Variants in AP1S3 observed in about 807,000 individuals in gnomAD.
The protein encoded by AP1S3 is adaptor related protein complex 1 subunit sigma 3.
AP1S3 carries 10 observed loss-of-function variants against 20.9 expected under a neutral mutation model. The observed-to-expected ratio is 0.48, with a 90% CI of 0.29 to 0.81. The LOEUF is 0.81. AP1S3 is among the 30% of genes least tolerant of loss of function. AP1S3 has a pLI of 0.08. For missense variants in AP1S3, 154 were observed against 183.8 expected (o/e 0.84, Z 0.94); for synonymous variants, 41 against 61.5 (o/e 0.67, Z 1.56).
chr2:223,837,219 A>AGCCGCGGCGCCGCGGC (rs903571860), intron 1 of AP1S3, among the ~76,000 whole-genome samples: 3 of 150,702 alleles, frequency 2.0e-5, no homozygotes, highest in Non-Finnish European at 4.4e-5. Flanking sequence ...GAATGAATGG[A>AGCCGCGGCGCCGCGGC]GCCGCGGCGC....
At chr2:223,769,956 G>A (rs1690573668) in intron 3 of AP1S3, among the ~76,000 whole-genome samples, 1 of 151,960 alleles carries the variant, frequency 6.6e-6, no homozygotes, top group African/African-American at 2.4e-5. Flanking sequence ...GTGTTAGCCA[G>A]GATGGTCTCG....
intron 4 of AP1S3, among the ~76,000 whole-genome samples, chr2:223,761,205 G>A (rs552537651): frequency 3.9e-5 from 6 of 152,216 alleles, no homozygotes; most frequent in Non-Finnish European, 8.8e-5. Flanking sequence ...AGGAGCTGGA[G>A]TCTGTATCTT....
At position 223,797,166 on chromosome 2, in the gene AP1S3, C is replaced by T. The variant is rs117146587; in HGVS notation, c.4-19297G>A. Among the ~76,000 whole-genome samples the T allele has an allele frequency of 3.3e-5, 5 of 152,254 alleles. No homozygotes were observed. The East Asian group carries it at 7.7e-4, about 24-fold the overall frequency. ...AGGTGTGGCCTGAACCAACTTCCCT[C>T]GTCTCTCTCTCCAGACCTCATGTCT... is the stretch of plus-strand genomic sequence containing the variant. On this transcript the variant is annotated intron_variant, in intron 1 of 4. Transcript: ENST00000396654.
chr2:223,794,484 T>C (rs1216531000), intron 1 of AP1S3, among the ~76,000 whole-genome samples: 1 of 152,234 alleles, frequency 6.6e-6, no homozygotes, highest in Non-Finnish European at 1.5e-5. Flanking sequence ...CTTGTGTTAC[T>C]TTTCTCCAGA....
chr2:223,756,448 G>GA lies in AP1S3; in HGVS notation c.*2266dup. 4 of 803,320 alleles carry GA rather than the reference G, an allele frequency of 5.0e-6. No individual in the cohort carries two copies. Among genetic ancestry groups the GA allele is most frequent in the Non-Finnish European group, 6.0e-6 (4 of 668,428 alleles). The allele number at this position is 803,320 out of a possible 1,614,324, so 49.8% of individuals were successfully genotyped here. On this transcript the variant is annotated 3_prime_UTR_variant, in exon 5 of 5. Coordinates refer to ENST00000396654, the MANE Select transcript of AP1S3 (RefSeq NM_001039569.2). Reference sequence around the variant, plus strand: ...GAGAAGAAGGAAGGAAGAAAGGAAGGAAAAGAAAGAAAGAAAGAAAAGAAA... The same window carrying GA: ...GAGAAGAAGGAAGGAAGAAAGGAAGGAAAAAGAAAGAAAGAAAGAAAAGAAA...
At chr2:223,778,090 G>A (rs1690831823) in intron 1 of AP1S3, among the ~76,000 whole-genome samples, 1 of 151,910 alleles carries the variant, frequency 6.6e-6, no homozygotes, top group South Asian at 2.1e-4. Flanking sequence ...TTTATTATAG[G>A]AGAAAAATAA....
chr2:223,800,207 T>G (rs1691433373), intron 1 of AP1S3, among the ~76,000 whole-genome samples: 1 of 138,414 alleles, frequency 7.2e-6, no homozygotes. Flanking sequence ...AAAGCGAGAT[T>G]GCGTCTAAAA....
At chr2:223,814,377 C>T (rs141961440) in intron 1 of AP1S3, among the ~76,000 whole-genome samples, 8 of 152,234 alleles carry the variant, frequency 5.3e-5, no homozygotes, top group African/African-American at 1.4e-4. Context: ...AGTTCATAGC[C>T]GGCAGCCTCA....
rs142908670 is a variant in AP1S3, at chr2:223,761,382, C to T, written c.430-2632G>A. Among the ~76,000 whole-genome samples the T allele has an allele frequency of 1.6e-3, 237 of 152,300 alleles. 1 individual carries two copies. The highest frequency in any genetic ancestry group is 5.4e-3 in the South Asian group (26 of 4,824). ...CCTAGCAGTTTCGCCTGCATCCACA[C>T]GAGGGCACATAGAATCCTATTGCTC... is the stretch of plus-strand genomic sequence containing the variant. On this transcript the variant is annotated intron_variant, in intron 4 of 4. Coordinates refer to ENST00000396654, the MANE Select transcript of AP1S3 (RefSeq NM_001039569.2).
At chr2:223,811,640 C>A (rs1691733139) in intron 1 of AP1S3, among the ~76,000 whole-genome samples, 1 of 151,828 alleles carries the variant, frequency 6.6e-6, no homozygotes, top group South Asian at 2.1e-4. Context: ...TGTTTTGGGC[C>A]CCATTTTTAA....
intron 1 of AP1S3, among the ~76,000 whole-genome samples, chr2:223,815,779 A>G (rs1381969758): frequency 6.6e-6 from 1 of 152,218 alleles, no homozygotes; most frequent in African/African-American, 2.4e-5. Flanking sequence ...ACAACATACT[A>G]TGTAACAAAA....
intron 3 of AP1S3, among the ~76,000 whole-genome samples, chr2:223,771,410 A>G (rs1472392533): frequency 2.6e-5 from 4 of 152,210 alleles, no homozygotes; most frequent in Admixed American, 2.6e-4. Context: ...CAACAAAAAT[A>G]TGTACTTGAT....
In AP1S3 at chr2:223,775,944, A is replaced by T; in HGVS notation, c.248T>A (p.Ile83Asn). The change falls in exon 3 of 5, where the codon ATT (isoleucine) becomes AAT (asparagine). Residue 83 changes from isoleucine (I) to asparagine (N), a missense_variant. Physicochemically the swap from Ile to Asn is moderately radical, Grantham distance 149 (BLOSUM62 -3). Transcript: ENST00000396654. Reference sequence around the variant, plus strand: ...CAGCAGCTCCACGTAACGATGCACAATCTCTAGCGTCAAGAGCTCATTGTC... The same window carrying T: ...CAGCAGCTCCACGTAACGATGCACATTCTCTAGCGTCAAGAGCTCATTGTC... ...NQDNELLTLE[I>N]VHRYVELLDK... is the part of the protein sequence containing the mutation. 1.2e-6 allele frequency: 2 copies of T among 1,614,180 alleles called. No homozygotes were observed. Among genetic ancestry groups the T allele is most frequent in the Non-Finnish European group, 1.7e-6 (2 of 1,180,008 alleles).
intron 1 of AP1S3, among the ~76,000 whole-genome samples, chr2:223,811,604 G>T (rs968276577): frequency 6.6e-6 from 1 of 151,570 alleles, no homozygotes; most frequent in African/African-American, 2.4e-5. Flanking sequence ...TATCTATTAA[G>T]CCCTTTGCCC....
chr2:223,756,154 A>G lies in AP1S3; in HGVS notation c.*2561T>C, dbSNP rs1574678157. The G allele has an allele frequency of 1.9e-6, 1 of 513,126 alleles. No individual in the cohort carries two copies. The highest frequency in any genetic ancestry group is 1.5e-4 in the East Asian group (1 of 6,630). The allele number at this position is 513,126 out of a possible 1,614,324, so 31.8% of individuals were successfully genotyped here. ...GGCGTTCAAGACCAGCCTGACCAAC[A>G]TGGAGAAATCCCAACTCTACCAAAA... On this transcript the variant is annotated 3_prime_UTR_variant, in exon 5 of 5. Transcript: ENST00000396654.
chr2:223,809,257 C>T (rs74983487), intron 1 of AP1S3, among the ~76,000 whole-genome samples: 35 of 152,308 alleles, frequency 2.3e-4, no homozygotes, highest in Non-Finnish European at 4.6e-4. Flanking sequence ...GCTCACTGGA[C>T]CACAGGGTCT....
At chr2:223,777,940 A>G in intron 1 of AP1S3, 71 bp from the exon 2 acceptor site, 1 of 1,343,356 alleles carries the variant, frequency 7.4e-7, no homozygotes, top group Non-Finnish European at 1.0e-6. Flanking sequence ...AGACACTGAA[A>G]TTCAATGATG....
chr2:223,796,050 G>T (rs1691329645), intron 1 of AP1S3, among the ~76,000 whole-genome samples: 1 of 152,126 alleles, frequency 6.6e-6, no homozygotes, highest in South Asian at 2.1e-4. Flanking sequence ...GCAGGCATCT[G>T]TAATCCCAGC....
chr2:223,776,247 C>A, intron 2 of AP1S3: 2 of 593,514 alleles, frequency 3.4e-6, no homozygotes, highest in South Asian at 1.6e-5. Context: ...CAAAATTTTA[C>A]CTTGAAGAGC....
Sources: gnomAD v4.1 joint callset for allele counts (sites outside exome capture counted in the v4.1 genomes callset) on GRCh38, gnomAD v4.1.1 for gene constraint, MANE v1.5 for transcripts, NCBI Gene and HGNC (gene_info 2026-07-23, HGNC 2026-07-21) for gene names.